The following GNAI2 variants were observed in gnomAD, a reference collection of about 807,000 sequenced individuals.
GNAI2 encodes guanine nucleotide-binding protein G(i) subunit alpha-2.
GNAI2 carries 4 observed loss-of-function variants against 36.8 expected under a neutral mutation model. The ratio of observed to expected loss-of-function variants is 0.11; its 90% CI spans 0.05 to 0.25. The LOEUF is 0.25. Among genes scored for constraint, GNAI2 ranks in the 10% least tolerant of loss-of-function variants. The probability of loss-of-function intolerance (pLI) is 1.00; values close to 1 mark genes in which losing one functional copy is unlikely to be tolerated. For synonymous variants in GNAI2, 194 were observed against 194.1 expected (o/e 1.00, Z 0.01); for missense variants, 230 against 481.3 (o/e 0.48, Z 4.89).
intron 1 of GNAI2, among the ~76,000 whole-genome samples, chr3:50,247,875 G>A (rs1334137427): frequency 3.3e-5 from 5 of 152,240 alleles, no homozygotes; most frequent in Non-Finnish European, 7.3e-5. Flanking sequence ...GGCCCTCTGC[G>A]GGCAGGAGGG....
rs1441940739 is a variant in GNAI2 at position 50,236,469 on chromosome 3, G to T, written c.118+16G>T. 3 of 1,570,438 alleles carry T rather than the reference G, an allele frequency of 1.9e-6. No individual in the cohort carries two copies. The highest frequency in any genetic ancestry group is 2.5e-5 in the East Asian group (1 of 40,180). ...CTGCTGTTGGGTGAGGCCGCGTCCCGCACTGGGATCCTTGATTCCCAGCTC... is the reference window on the plus strand; with the variant it reads ...CTGCTGTTGGGTGAGGCCGCGTCCCTCACTGGGATCCTTGATTCCCAGCTC... On this transcript the variant is annotated intron_variant, in intron 1 of 8. Coordinates refer to ENST00000313601, the MANE Select transcript of GNAI2 (RefSeq NM_002070.4). The surrounding 1 kb of genome is among the most constrained non-coding windows in gnomAD (Gnocchi z 4.0).
chr3:50,252,149 G>C lies in GNAI2; in HGVS notation c.161+7G>C. 1 of 1,613,260 alleles carries C rather than the reference G, an allele frequency of 6.2e-7. No homozygotes were observed. The highest frequency in any genetic ancestry group is 8.5e-7 in the Non-Finnish European group (1 of 1,179,386). On this transcript the variant is annotated splice_region_variant and intron_variant, in intron 2 of 8. Coordinates refer to ENST00000313601, the MANE Select transcript of GNAI2 (RefSeq NM_002070.4). The surrounding 1 kb of genome is among the most constrained non-coding windows in gnomAD (Gnocchi z 4.1). Reference sequence around the variant, plus strand: ...CCATCGTCAAGCAGATGAAGTAAGTGCTGTATTCCAGAGGCAGTGCTCAAA... The same window carrying C: ...CCATCGTCAAGCAGATGAAGTAAGTCCTGTATTCCAGAGGCAGTGCTCAAA...
At chr3:50,245,789 T>C (rs587654830) in intron 1 of GNAI2, among the ~76,000 whole-genome samples, 2 of 152,322 alleles carry the variant, frequency 1.3e-5, no homozygotes, top group South Asian at 4.1e-4. Flanking sequence ...AGAAAGACTT[T>C]CCCATGTGTG....
upstream of GNAI2, among the ~76,000 whole-genome samples, chr3:50,233,361 G>A (rs2109174415): frequency 6.6e-6 from 1 of 152,304 alleles, no homozygotes; most frequent in South Asian, 2.1e-4. Context: ...CCTCCAAGGG[G>A]CTGACAGGTT....
chr3:50,231,413 G>A (rs1225526259), upstream of GNAI2, among the ~76,000 whole-genome samples: 1 of 152,172 alleles, frequency 6.6e-6, no homozygotes, highest in Non-Finnish European at 1.5e-5. Context: ...CAAGTAGCCG[G>A]GATTACAGGC....
In GNAI2 at chr3:50,255,917, G is replaced by A. The variant is rs1700684922; in HGVS notation, c.465-275G>A. ...AATACAAAAATTAGCTGGGCGGCAGGCGCCTGTAGTCCCAGCTACTCAGGA... is the reference window on the plus strand; with the variant it reads ...AATACAAAAATTAGCTGGGCGGCAGACGCCTGTAGTCCCAGCTACTCAGGA... On this transcript the variant is annotated intron_variant, in intron 4 of 8. Coordinates refer to ENST00000313601, the MANE Select transcript of GNAI2 (RefSeq NM_002070.4). This position sits in a 1 kb window ranked among gnomAD's most constrained non-coding sequence, Gnocchi z 4.0. Among the ~76,000 whole-genome samples the A allele has an allele frequency of 6.6e-6, 1 of 151,762 alleles. No individual in the cohort carries two copies. Among genetic ancestry groups the A allele is most frequent in the Admixed American group, 6.6e-5 (1 of 15,240 alleles).
rs1353347572 is a variant in GNAI2, at chr3:50,242,387, AG to A, written c.118+5938del. On this transcript the variant is annotated intron_variant, in intron 1 of 8. Coordinates refer to ENST00000313601, the MANE Select transcript of GNAI2 (RefSeq NM_002070.4). The surrounding 1 kb of genome is among the most constrained non-coding windows in gnomAD (Gnocchi z 4.8). ...GCCTAGGAGTTGAGCGAGGAGGGGA[AG>A]GGGTCAGCAGGTTCTGGCCAGGCCA... 1.3e-5 allele frequency among the ~76,000 whole-genome samples: 2 copies of A among 152,148 alleles called. No individual in the cohort carries two copies. The highest frequency in any genetic ancestry group is 3.9e-4 in the East Asian group (2 of 5,192).
upstream of GNAI2, chr3:50,236,036 G>A (rs1700157338): frequency 3.5e-6 from 1 of 282,622 alleles, no homozygotes; most frequent in African/African-American, 2.3e-5. The surrounding 1 kb of genome is among the most constrained non-coding windows in gnomAD (Gnocchi z 4.0). Flanking sequence ...AGCCTGGGCT[G>A]CGCCTAACTT....
At position 50,252,779 on chromosome 3, in the gene GNAI2, G is replaced by T. The variant is rs1553702716; in HGVS notation, c.303+241G>T. Among the ~76,000 whole-genome samples, 2 of 152,172 alleles carry T rather than the reference G, an allele frequency of 1.3e-5. No individual in the cohort carries two copies. The highest frequency in any genetic ancestry group is 4.8e-5 in the African/African-American group (2 of 41,436). On this transcript the variant is annotated intron_variant, in intron 3 of 8. Coordinates refer to ENST00000313601, the MANE Select transcript of GNAI2 (RefSeq NM_002070.4). This position sits in a 1 kb window ranked among gnomAD's most constrained non-coding sequence, Gnocchi z 4.1. ...CTTGGGAGGCTGAAGCAGGAGAATT[G>T]CTTGAACCCGGGAGGCAGAGGATGC... is the stretch of plus-strand genomic sequence containing the variant.
rs138213627 is a variant in GNAI2, at chr3:50,252,447, C to A, written c.212C>A (p.Ala71Glu). 7.4e-6 allele frequency: 12 copies of A among 1,613,114 alleles called. No individual in the cohort carries two copies. Among genetic ancestry groups the A allele is most frequent in the African/African-American group, 1.3e-5 (1 of 74,924 alleles). The change falls in exon 3 of 9, where the codon GCG (alanine) becomes GAG (glutamate). Residue 71 changes from alanine (A) to glutamate (E), a missense_variant. Transcript: ENST00000313601. This position sits in a 1 kb window ranked among gnomAD's most constrained non-coding sequence, Gnocchi z 4.1. ...GAGGAGGAATGCCGGCAGTACCGGG[C>A]GGTTGTCTACAGCAACACCATCCAG... ...YSEEECRQYRAVVYSNTIQSI... is the reference protein window; with the variant it reads ...YSEEECRQYREVVYSNTIQSI...
chr3:50,251,275 A>G (rs1449458127), intron 1 of GNAI2: 10 of 711,528 alleles, frequency 1.4e-5, no homozygotes, highest in Non-Finnish European at 1.7e-5. Flanking sequence ...TCTGAGCCTC[A>G]ATGTCCTCAT....
Position 50,258,760 on chromosome 3 carries a change from G to T in GNAI2, c.*417G>T. 1 of 363,654 alleles carries T rather than the reference G, an allele frequency of 2.7e-6. No homozygotes were observed. The highest frequency in any genetic ancestry group is 5.3e-6 in the Non-Finnish European group (1 of 188,300). 22.5% of individuals were successfully genotyped at this position (363,654 alleles called of 1,614,324 possible). A position where few individuals can be genotyped will look rare whatever the true frequency, so the allele number is the denominator to read the frequency against. Reference sequence around the variant, plus strand: ...GCCCAAGTCCAAATGTTTACAGGGAGCCTCCTGCCCAGTCCCCCAACCCCA... The same window carrying T: ...GCCCAAGTCCAAATGTTTACAGGGATCCTCCTGCCCAGTCCCCCAACCCCA... On this transcript the variant is annotated 3_prime_UTR_variant, in exon 9 of 9. Coordinates refer to ENST00000313601, the MANE Select transcript of GNAI2 (RefSeq NM_002070.4).
chr3:50,254,550 C>A (rs1452440641), intron 4 of GNAI2, among the ~76,000 whole-genome samples: 6 of 152,184 alleles, frequency 3.9e-5, no homozygotes, highest in African/African-American at 1.4e-4. Context: ...TGAATATGTA[C>A]CCCCTACAGG....
At position 50,241,553 on chromosome 3, in the gene GNAI2, CTGAGAGACTAGG is replaced by C. The variant is rs1204301649; in HGVS notation, c.118+5104_118+5115del. Among the ~76,000 whole-genome samples the C allele has an allele frequency of 2.0e-5, 3 of 152,182 alleles. No individual in the cohort carries two copies. Among genetic ancestry groups the C allele is most frequent in the Non-Finnish European group, 4.4e-5 (3 of 68,020 alleles). On this transcript the variant is annotated intron_variant, in intron 1 of 8. Coordinates refer to ENST00000313601, the MANE Select transcript of GNAI2 (RefSeq NM_002070.4). The surrounding 1 kb of genome is among the most constrained non-coding windows in gnomAD (Gnocchi z 5.0). Reference sequence around the variant, plus strand: ...AGGTCCTTTAAGGGATACCTCTGAGCTGAGAGACTAGGTGAATCAGGGCAGCTGGAGCTCAGC... The same window carrying C: ...AGGTCCTTTAAGGGATACCTCTGAGCTGAATCAGGGCAGCTGGAGCTCAGC...
intron 1 of GNAI2, among the ~76,000 whole-genome samples, chr3:50,250,493 A>G (rs1700528400): frequency 6.6e-6 from 1 of 152,196 alleles, no homozygotes; most frequent in South Asian, 2.1e-4. Flanking sequence ...AGAGAACAGC[A>G]TGAGCAGGGC....
chr3:50,232,470 C>T (rs889137898), upstream of GNAI2, among the ~76,000 whole-genome samples: 1 of 152,216 alleles, frequency 6.6e-6, no homozygotes, highest in African/African-American at 2.4e-5. Flanking sequence ...CCGTTAGGCC[C>T]ATTTTACTGA....
At chr3:50,248,558 G>GCCCCTGCCTCTGTCCTGTTGTT (rs1700474489) in intron 1 of GNAI2, among the ~76,000 whole-genome samples, 1 of 152,014 alleles carries the variant, frequency 6.6e-6, no homozygotes, top group African/African-American at 2.4e-5. Context: ...CCTGGGCTGT[G>GCCCCTGCCTCTGTCCTGTTGTT]CCCCTGCCTC....
chr3:50,237,200 C>T (rs1700193627), intron 1 of GNAI2, among the ~76,000 whole-genome samples: 1 of 152,226 alleles, frequency 6.6e-6, no homozygotes, highest in African/African-American at 2.4e-5. Flanking sequence ...AGGCGGGAGC[C>T]CTGGGTTGGA....
upstream of GNAI2, among the ~76,000 whole-genome samples, chr3:50,232,049 G>T (rs1332539080): frequency 1.3e-5 from 2 of 150,972 alleles, no homozygotes; most frequent in Admixed American, 1.3e-4. Flanking sequence ...AAAAAAAAAG[G>T]GCCGTGCACG....
Sources: gnomAD v4.1 joint callset for allele counts (sites outside exome capture counted in the v4.1 genomes callset) on GRCh38, gnomAD v4.1.1 for gene constraint, Gnocchi (gnomAD v3.1) non-coding constraint, MANE v1.5 for transcripts, NCBI Gene and HGNC (gene_info 2026-07-23, HGNC 2026-07-21) for gene names.